Variants in GPRC5A observed in about 807,000 individuals in gnomAD.
The protein encoded by GPRC5A is retinoic acid-induced protein 3.
In GPRC5A, 19 loss-of-function variants were observed where a neutral mutation model predicts 22.5. The observed-to-expected ratio is 0.85, with a 90% CI of 0.59 to 1.24. The LOEUF is 1.24. GPRC5A is among the 50% of genes most tolerant of loss of function. GPRC5A has a pLI of 0.00. For missense variants in GPRC5A, 471 were observed against 451.1 expected, an observed-to-expected ratio of 1.04 and a Z score of -0.40; for synonymous variants, 192 against 184.5, an observed-to-expected ratio of 1.04 and a Z score of -0.33.
chr12:12,909,217 G>T (rs200420554), intron 2 of GPRC5A, 46 bp downstream of exon 2: 6 of 1,288,330 alleles, frequency 4.7e-6, no homozygotes, highest in Non-Finnish European at 6.5e-6. Context: ...GTAGAAAGGT[G>T]GGGGAGAATC....
chr12:12,897,736 G>C (rs1863837964), intron 1 of GPRC5A, among the ~76,000 whole-genome samples: 1 of 151,536 alleles, frequency 6.6e-6, no homozygotes, highest in African/African-American at 2.4e-5. Flanking sequence ...AGCCTTCTGA[G>C]TAGCTGGGAC....
At chr12:12,895,374 C>T (rs1483159226) in intron 1 of GPRC5A, among the ~76,000 whole-genome samples, 3 of 140,246 alleles carry the variant, frequency 2.1e-5, no homozygotes, top group Non-Finnish European at 4.6e-5. Flanking sequence ...ATAGTTTAGT[C>T]TTTTTTTTTT....
In GPRC5A at chr12:12,908,526, A is replaced by G. The variant is rs1486182868; in HGVS notation, c.277A>G (p.Thr93Ala). 6.2e-7 allele frequency: 1 copy of G among 1,614,130 alleles called. No individual in the cohort carries two copies. Among genetic ancestry groups the G allele is most frequent in the East Asian group, 2.2e-5 (1 of 44,890 alleles). Residue 93 changes from threonine to alanine, a missense_variant, in exon 2 of 4, where the codon ACA (threonine) becomes GCA (alanine). Physicochemically the swap from Thr to Ala is moderately conservative, Grantham distance 58. Coordinates refer to ENST00000014914, the MANE Select transcript of GPRC5A (RefSeq NM_003979.4). ...FAFIIGLDGS[T>A]GPTRFFLFGI... Reference sequence around the variant, plus strand: ...CTTCATCATCGGACTGGACGGGAGCACAGGGCCCACACGCTTCTTCCTCTT... The same window carrying G: ...CTTCATCATCGGACTGGACGGGAGCGCAGGGCCCACACGCTTCTTCCTCTT...
rs1057116158 is a variant in GPRC5A at position 12,915,293 on chromosome 12, G to A, written c.*2754G>A. 6.6e-6 allele frequency: 1 copy of A among 152,112 alleles called. No homozygotes were observed. Among genetic ancestry groups the A allele is most frequent in the Admixed American group, 6.6e-5 (1 of 15,248 alleles). 9.4% of individuals were successfully genotyped at this position (152,112 alleles called of 1,614,324 possible). ...GATATAAAAATGAAACAGGATCCAG[G>A]CATGGGTCTTTACACTGATAGTTAC... is the stretch of plus-strand genomic sequence containing the variant. On this transcript the variant is annotated 3_prime_UTR_variant, in exon 4 of 4. Transcript: ENST00000014914.
At chr12:12,910,721 C>A (rs1334946036) in intron 2 of GPRC5A, among the ~76,000 whole-genome samples, 1 of 152,186 alleles carries the variant, frequency 6.6e-6, no homozygotes, top group African/African-American at 2.4e-5. Flanking sequence ...AATCACTCCA[C>A]CCTGTGCATC....
intron 1 of GPRC5A, among the ~76,000 whole-genome samples, chr12:12,896,393 C>A (rs1197578238): frequency 6.6e-6 from 1 of 152,166 alleles, no homozygotes; most frequent in Non-Finnish European, 1.5e-5. Flanking sequence ...ACTTTTATGT[C>A]ATCAGAGTTG....
rs1461798795 is a variant in GPRC5A, at chr12:12,917,255, T to TGTGC, written c.*4717_*4718insTGCG. On this transcript the variant is annotated 3_prime_UTR_variant, in exon 4 of 4. Coordinates refer to ENST00000014914, the MANE Select transcript of GPRC5A (RefSeq NM_003979.4). Reference sequence around the variant, plus strand: ...GTGTGTGTGTGTGTGTGTGTGTGCGTGCGTGCGTGTATGTGCGCCTGACCC... The same window carrying TGTGC: ...GTGTGTGTGTGTGTGTGTGTGTGCGTGTGCGCGTGCGTGTATGTGCGCCTGACCC... 2.2e-5 allele frequency: 1 copy of TGTGC among 44,518 alleles called. No individual in the cohort carries two copies. Among genetic ancestry groups the TGTGC allele is most frequent in the Non-Finnish European group, 4.2e-5 (1 of 23,958 alleles). 2.8% of individuals were successfully genotyped at this position (44,518 alleles called of 1,614,324 possible). A position where few individuals can be genotyped will look rare whatever the true frequency, so the allele number is the denominator to read the frequency against.
intron 1 of GPRC5A, among the ~76,000 whole-genome samples, chr12:12,907,806 A>T (rs1863958095): frequency 6.6e-6 from 1 of 152,110 alleles, no homozygotes; most frequent in African/African-American, 2.4e-5. Context: ...TAATTTTTTA[A>T]TATAAAGATG....
At chr12:12,900,849 C>G (rs1054432205) in intron 1 of GPRC5A, among the ~76,000 whole-genome samples, 1 of 120,034 alleles carries the variant, frequency 8.3e-6, no homozygotes, top group African/African-American at 3.2e-5. Context: ...GAGATCATGC[C>G]ATTGCACTCC....
chr12:12,908,174 C>G, intron 1 of GPRC5A, 69 bp from the exon 2 acceptor site: 12 of 1,088,768 alleles, frequency 1.1e-5, no homozygotes, highest in Non-Finnish European at 1.6e-5. Flanking sequence ...CTTTTTTAGT[C>G]TTCTGTGTCT....
At chr12:12,903,800 G>A (rs536679928) in intron 1 of GPRC5A, among the ~76,000 whole-genome samples, 1 of 152,200 alleles carries the variant, frequency 6.6e-6, no homozygotes, top group Non-Finnish European at 1.5e-5. Flanking sequence ...GAGCCTATAG[G>A]TTCTAGATGG....
chr12:12,911,458 A>G (rs1382434603), intron 2 of GPRC5A, among the ~76,000 whole-genome samples: 2 of 151,618 alleles, frequency 1.3e-5, no homozygotes, highest in African/African-American at 2.4e-5. Context: ...CCAGATCTAT[A>G]TCTGAAATGA....
At chr12:12,905,956 A>G (rs1347626428) in intron 1 of GPRC5A, among the ~76,000 whole-genome samples, 2 of 152,152 alleles carry the variant, frequency 1.3e-5, no homozygotes, top group East Asian at 3.8e-4. Context: ...GTGGAACCAG[A>G]GTCATAATGA....
In GPRC5A at chr12:12,910,341, G is replaced by A. The variant is rs144268071; in HGVS notation, c.922+1170G>A. ...TTTAACCACCCAGCCCCTCCTGTCC[G>A]TTCCGTGGCTTCACTCCATCACCTC... On this transcript the variant is annotated intron_variant, in intron 2 of 3. Coordinates refer to ENST00000014914, the MANE Select transcript of GPRC5A (RefSeq NM_003979.4). 3.9e-3 allele frequency among the ~76,000 whole-genome samples: 595 copies of A among 152,240 alleles called. 2 individuals are homozygous for A. The highest frequency in any genetic ancestry group is 5.6e-3 in the Non-Finnish European group (383 of 68,010).
intron 1 of GPRC5A, among the ~76,000 whole-genome samples, chr12:12,904,147 C>A (rs1255017784): frequency 6.6e-6 from 1 of 152,040 alleles, no homozygotes; most frequent in African/African-American, 2.4e-5. Context: ...TTCCGCTCGC[C>A]GCCCTTGAAG....
At chr12:12,898,902 C>G (rs544501173) in intron 1 of GPRC5A, among the ~76,000 whole-genome samples, 1 of 152,294 alleles carries the variant, frequency 6.6e-6, no homozygotes, top group South Asian at 2.1e-4. Context: ...TAAAACCCCA[C>G]TAGGTAGAAT....
At chr12:12,905,451 A>T (rs945127429) in intron 1 of GPRC5A, among the ~76,000 whole-genome samples, 2 of 152,202 alleles carry the variant, frequency 1.3e-5, no homozygotes, top group African/African-American at 4.8e-5. Context: ...ATTGGGAAAC[A>T]AAAAACTCAA....
rs139708351 is a variant in GPRC5A at position 12,898,760 on chromosome 12, C to A, written c.-8+7096C>A. Among the ~76,000 whole-genome samples, 24 of 152,318 alleles carry A rather than the reference C, an allele frequency of 1.6e-4. No homozygotes were observed. The East Asian group carries it at 3.5e-3, about 22-fold the overall frequency. ...CCTAAGCCAGAAATCTGGGAGTTAA[C>A]CTGGGCTTTTCCATTCCCAAAGCCC... On this transcript the variant is annotated intron_variant, in intron 1 of 3. Transcript: ENST00000014914.
At chr12:12,897,860 T>TC (rs1863839452) in intron 1 of GPRC5A, among the ~76,000 whole-genome samples, 1 of 152,068 alleles carries the variant, frequency 6.6e-6, no homozygotes, top group Non-Finnish European at 1.5e-5. Flanking sequence ...TCTACCCGCC[T>TC]CGGCCTCCCA....
Sources: allele counts gnomAD v4.1 joint callset (sites outside exome capture counted in the v4.1 genomes callset), GRCh38; gene constraint gnomAD v4.1.1; transcripts MANE v1.5; gene names NCBI Gene and HGNC (gene_info 2026-07-23, HGNC 2026-07-21).